RAD51B: variants seen among roughly 807,000 people sequenced by gnomAD.
The protein encoded by RAD51B is DNA repair protein RAD51 homolog 2.
In RAD51B, 38 loss-of-function variants were observed where a neutral mutation model predicts 42.2. The observed-to-expected ratio is 0.90, with a 90% CI of 0.70 to 1.18. RAD51B has a LOEUF of 1.18. RAD51B is among the 50% of genes most tolerant of loss of function. The pLI is 0.00. For synonymous variants in RAD51B, 154 were observed against 145.2 expected, an observed-to-expected ratio of 1.06 and a Z score of -0.43; for missense variants, 373 against 400.7, an observed-to-expected ratio of 0.93 and a Z score of 0.59.
intron 7 of RAD51B, among the ~76,000 whole-genome samples, chr14:68,046,589 T>C (rs1376906842): frequency 2.6e-5 from 4 of 152,082 alleles, no homozygotes; most frequent in Admixed American, 1.3e-4. Flanking sequence ...AAATTTAAAA[T>C]AGTTGGGGAT....
intron 7 of RAD51B, among the ~76,000 whole-genome samples, chr14:67,951,594 A>G (rs1262201370): frequency 1.3e-5 from 2 of 152,174 alleles, no homozygotes; most frequent in Admixed American, 1.3e-4. Flanking sequence ...TATGATCCCA[A>G]GAGTCACAAG....
At chr14:68,124,780 C>T (rs2077721744) in intron 7 of RAD51B, among the ~76,000 whole-genome samples, 1 of 151,880 alleles carries the variant, frequency 6.6e-6, no homozygotes, top group Non-Finnish European at 1.5e-5. Context: ...GGTGAAACCC[C>T]ATCTCTACTA....
intron 9 of RAD51B, among the ~76,000 whole-genome samples, chr14:68,455,737 A>G (rs942349988): frequency 6.6e-5 from 10 of 152,046 alleles, no homozygotes; most frequent in African/African-American, 2.2e-4. Flanking sequence ...TAAAAAAAAA[A>G]TTTTTTTTTA....
downstream of RAD51B, among the ~76,000 whole-genome samples, chr14:68,614,362 T>C (rs1356194684): frequency 1.3e-5 from 2 of 152,270 alleles, no homozygotes; most frequent in African/African-American, 2.4e-5. Flanking sequence ...TTAATTGAGA[T>C]ATAATTGACA....
At chr14:68,345,040 T>C (rs147882499) in intron 8 of RAD51B, among the ~76,000 whole-genome samples, 92 of 152,326 alleles carry the variant, frequency 6.0e-4, no homozygotes, top group African/African-American at 2.2e-3. Context: ...TGGCCAGTTT[T>C]TCCCTTTGGA....
chr14:68,653,707 G>A (rs930027688), intron 11 of RAD51B, among the ~76,000 whole-genome samples: 4 of 152,346 alleles, frequency 2.6e-5, no homozygotes, highest in African/African-American at 9.6e-5. Flanking sequence ...AGATAGATAT[G>A]CAAATGATCA....
rs1388106363 is a variant in RAD51B at position 68,495,333 on chromosome 14, G to A, written c.1036+27083G>A. On this transcript the variant is annotated intron_variant, in intron 10 of 10. Transcript: ENST00000487270. ...TCAGACCCCTTTGTCTTCCACTGGCGCAACCGAGAGAGGATTCCTCCGAGC... is the reference window on the plus strand; with the variant it reads ...TCAGACCCCTTTGTCTTCCACTGGCACAACCGAGAGAGGATTCCTCCGAGC... Among the ~76,000 whole-genome samples, 4 of 152,008 alleles carry A rather than the reference G, an allele frequency of 2.6e-5. No homozygotes were observed. In the South Asian group the frequency reaches 6.2e-4, roughly 24 times the overall value.
At chr14:67,869,888 G>C (rs1264554985) in intron 5 of RAD51B, among the ~76,000 whole-genome samples, 1 of 151,942 alleles carries the variant, frequency 6.6e-6, no homozygotes, top group East Asian at 1.9e-4. Flanking sequence ...CAAATGCTGA[G>C]AGATTTTGTC....
chr14:68,574,216 C>T (rs2140045965), intron 10 of RAD51B, among the ~76,000 whole-genome samples: 1 of 152,330 alleles, frequency 6.6e-6, no homozygotes, highest in Non-Finnish European at 1.5e-5. Flanking sequence ...TCAAGCAATA[C>T]TGCCGCCTCA....
intron 10 of RAD51B, among the ~76,000 whole-genome samples, chr14:68,593,546 G>A (rs1285495852): frequency 1.3e-5 from 2 of 152,192 alleles, no homozygotes; most frequent in Admixed American, 6.5e-5. Context: ...AATGGGACAA[G>A]AGGGAATTCA....
chr14:68,468,236 G>T lies in RAD51B; in HGVS notation c.1022G>T (p.Gly341Val). 6.2e-7 allele frequency: 1 copy of T among 1,613,638 alleles called. No individual in the cohort carries two copies. Among genetic ancestry groups the T allele is most frequent in the African/African-American group, 1.3e-5 (1 of 75,012 alleles). Residue 341 changes from glycine (G) to valine (V), a missense_variant, in exon 10 of 11, where the codon GGC becomes GTC. Coordinates refer to ENST00000471583, the MANE Select transcript of RAD51B (RefSeq NM_133510.4). ...TTTGTCTACACCATCAAGGAGGAAG[G>T]CCTGGTTCTTCAAGGTAAGATCCTT... The part of the protein sequence containing the change: ...TSFVYTIKEE[G>V]LVLQGQEKP
At chr14:68,480,063 CTTG>C (rs1883052757), downstream of RAD51B, among the ~76,000 whole-genome samples, 1 of 151,982 alleles carries the variant, frequency 6.6e-6, no homozygotes, top group African/African-American at 2.4e-5. Context: ...TCTTGTAAAT[CTTG>C]TTGTTGTTGC....
intron 7 of RAD51B, among the ~76,000 whole-genome samples, chr14:68,259,675 G>A (rs1404923318): frequency 6.6e-6 from 1 of 152,088 alleles, no homozygotes; most frequent in Non-Finnish European, 1.5e-5. Context: ...CCCAAAGCAA[G>A]ATAGATAGCA....
At chr14:68,135,813 A>G (rs2077996070) in intron 7 of RAD51B, among the ~76,000 whole-genome samples, 1 of 152,180 alleles carries the variant, frequency 6.6e-6, no homozygotes, top group South Asian at 2.1e-4. Flanking sequence ...TACTTAGTTA[A>G]TTTCTTGCCA....
chr14:67,859,111 G>A (rs1023867033), intron 4 of RAD51B, among the ~76,000 whole-genome samples: 2 of 152,166 alleles, frequency 1.3e-5, no homozygotes, highest in African/African-American at 2.4e-5. Flanking sequence ...TCCTCACTTG[G>A]TCTGGGTGTC....
At chr14:68,424,743 A>G (rs2084791845) in intron 9 of RAD51B, among the ~76,000 whole-genome samples, 1 of 152,102 alleles carries the variant, frequency 6.6e-6, no homozygotes, top group Non-Finnish European at 1.5e-5. Context: ...CTTTGACTTG[A>G]GGAGGCCAGT....
intron 7 of RAD51B, among the ~76,000 whole-genome samples, chr14:67,897,535 T>C (rs959707793): frequency 4.6e-5 from 7 of 151,830 alleles, no homozygotes; most frequent in Admixed American, 2.0e-4. Context: ...ATAAGGGAAA[T>C]GGAAATCAAA....
At chr14:68,036,376 C>A (rs1196871674) in intron 7 of RAD51B, among the ~76,000 whole-genome samples, 3 of 152,134 alleles carry the variant, frequency 2.0e-5, no homozygotes, top group Admixed American at 6.5e-5. Context: ...CTAAACAGGC[C>A]TTTGACATTT....
rs374154771 is a variant in RAD51B at position 68,031,701 on chromosome 14, C to T, written c.756+144497C>T. Reference sequence around the variant, plus strand: ...ATTGTTCAATGAATCAATGAATGAACGGCAGTTTCAGATATTTTCCACTCT... The same window carrying T: ...ATTGTTCAATGAATCAATGAATGAATGGCAGTTTCAGATATTTTCCACTCT... On this transcript the variant is annotated intron_variant, in intron 7 of 10. Coordinates refer to ENST00000471583, the MANE Select transcript of RAD51B (RefSeq NM_133510.4). Among the ~76,000 whole-genome samples the T allele has an allele frequency of 2.0e-4, 31 of 152,230 alleles. No homozygotes were observed. The South Asian group carries it at 3.3e-3, about 16-fold the overall frequency.
Sources: gnomAD v4.1 joint callset for allele counts (sites outside exome capture counted in the v4.1 genomes callset) on GRCh38, gnomAD v4.1.1 for gene constraint, MANE v1.5 for transcripts, NCBI Gene and HGNC (gene_info 2026-07-23, HGNC 2026-07-21) for gene names.